The following WWOX variants were observed in gnomAD, a reference collection of about 807,000 sequenced individuals.
The protein encoded by WWOX is WW domain-containing oxidoreductase.
A neutral mutation model predicts 46.2 loss-of-function variants in WWOX; 69 were observed. That is an observed-to-expected ratio of 1.49 (90% CI 1.23 to 1.82). The LOEUF (loss-of-function observed/expected upper bound fraction) is 1.82, where lower values mean the gene tolerates loss of function less well. Among genes scored for constraint, WWOX ranks in the 40% most tolerant of loss-of-function variants. WWOX has a pLI of 0.00. For synonymous variants in WWOX, 359 were observed against 202.6 expected (o/e 1.77, Z -6.56); for missense variants, 919 against 542.6 (o/e 1.69, Z -6.89).
chr16:78,905,453 C>T (rs1017859206), intron 8 of WWOX, among the ~76,000 whole-genome samples: 2 of 152,212 alleles, frequency 1.3e-5, no homozygotes, highest in Non-Finnish European at 2.9e-5. Flanking sequence ...CCAATCATGG[C>T]TTACTGCAGA....
At chr16:79,211,034 A>AGGGTGTGTGTGT (rs1555547724) in intron 8 of WWOX, among the ~76,000 whole-genome samples, 1 of 149,602 alleles carries the variant, frequency 6.7e-6, no homozygotes. Flanking sequence ...TATGGTGAGG[A>AGGGTGTGTGTGT]GTGTGTGTGT....
At chr16:78,713,630 G>A (rs954384904) in intron 8 of WWOX, among the ~76,000 whole-genome samples, 1 of 152,158 alleles carries the variant, frequency 6.6e-6, no homozygotes, top group Non-Finnish European at 1.5e-5. Flanking sequence ...CATATGCATG[G>A]AGGAAAGACC....
At chr16:79,000,943 G>T (rs2047080380) in intron 8 of WWOX, among the ~76,000 whole-genome samples, 2 of 152,176 alleles carry the variant, frequency 1.3e-5, no homozygotes, top group South Asian at 4.1e-4. Context: ...ACGTGGGCAG[G>T]AATAGTGTGT....
intron 8 of WWOX, among the ~76,000 whole-genome samples, chr16:79,127,933 G>T (rs2049793500): frequency 1.3e-5 from 2 of 152,196 alleles, no homozygotes; most frequent in African/African-American, 4.8e-5. Context: ...AGTACAACTT[G>T]CAGTAGTCCA....
At chr16:78,272,902 T>C (rs1020084833) in intron 5 of WWOX, among the ~76,000 whole-genome samples, 1 of 152,200 alleles carries the variant, frequency 6.6e-6, no homozygotes, top group African/African-American at 2.4e-5. Flanking sequence ...GACAACATCC[T>C]TAACAGCAGC....
At chr16:79,197,928 G>A (rs1238377490) in intron 8 of WWOX, among the ~76,000 whole-genome samples, 1 of 152,162 alleles carries the variant, frequency 6.6e-6, no homozygotes, top group African/African-American at 2.4e-5. Flanking sequence ...GAAAGCATAG[G>A]AGTTAAGGAG....
Position 79,180,161 on chromosome 16 carries a change from C to G in WWOX, c.1057-31447C>G, listed in dbSNP as rs568733601. 8.5e-4 allele frequency among the ~76,000 whole-genome samples: 129 copies of G among 152,178 alleles called. 4 individuals carry two copies. The South Asian group carries it at 0.025, about 29-fold the overall frequency. On this transcript the variant is annotated intron_variant, in intron 8 of 8. Transcript: ENST00000566780. ...TCCAGAGTCTTGGTCACGGGTACAT[C>G]AAAACGACGCTGGTGCCTAACTTCT...
intron 8 of WWOX, among the ~76,000 whole-genome samples, chr16:79,042,030 T>C (rs967226703): frequency 1.3e-5 from 2 of 152,286 alleles, no homozygotes; most frequent in African/African-American, 4.8e-5. Context: ...TCCTACTCTT[T>C]ATGTTCCACA....
intron 8 of WWOX, among the ~76,000 whole-genome samples, chr16:78,850,520 A>G (rs2052415794): frequency 6.6e-6 from 1 of 152,226 alleles, no homozygotes; most frequent in African/African-American, 2.4e-5. Context: ...TTTACTGCTA[A>G]GAATAATGTT....
At chr16:78,306,761 T>G (rs1266799600) in intron 5 of WWOX, among the ~76,000 whole-genome samples, 1 of 151,518 alleles carries the variant, frequency 6.6e-6, no homozygotes, top group Non-Finnish European at 1.5e-5. Flanking sequence ...GTCCCATAAT[T>G]CCCTGTAAAT....
At chr16:78,416,549 T>G (rs2082801255) in intron 6 of WWOX, among the ~76,000 whole-genome samples, 1 of 152,224 alleles carries the variant, frequency 6.6e-6, no homozygotes, top group Admixed American at 6.5e-5. Context: ...CCTCTGTGGG[T>G]TCTTGCCTCC....
chr16:79,031,598 C>G (rs917522211), intron 8 of WWOX, among the ~76,000 whole-genome samples: 5 of 151,606 alleles, frequency 3.3e-5, no homozygotes, highest in Admixed American at 1.3e-4. Flanking sequence ...GAATTTTTAC[C>G]TTTGTTTTGT....
chr16:78,620,282 G>C (rs2046144580), intron 8 of WWOX, among the ~76,000 whole-genome samples: 1 of 152,180 alleles, frequency 6.6e-6, no homozygotes, highest in Non-Finnish European at 1.5e-5. Context: ...GAAGAGGATT[G>C]GCCCATGGCT....
rs969839990 is a variant in WWOX, at chr16:78,191,687, A to T, written c.516+27398A>T. On this transcript the variant is annotated intron_variant, in intron 5 of 8. Coordinates refer to ENST00000566780, the MANE Select transcript of WWOX (RefSeq NM_016373.4). ...CACATGGGGAAGGTTTTGGGTGAGGATTTAGAACAAGGCAGGTTCTTGATC... is the reference window on the plus strand; with the variant it reads ...CACATGGGGAAGGTTTTGGGTGAGGTTTTAGAACAAGGCAGGTTCTTGATC... Among the ~76,000 whole-genome samples the T allele has an allele frequency of 5.3e-5, 8 of 152,206 alleles. No homozygotes were observed. The East Asian group carries it at 7.7e-4, about 15-fold the overall frequency.
intron 5 of WWOX, among the ~76,000 whole-genome samples, chr16:78,385,579 C>T (rs2151933020): frequency 6.6e-6 from 1 of 152,228 alleles, no homozygotes; most frequent in Admixed American, 6.5e-5. Flanking sequence ...TGGATTAGAG[C>T]CCAGGACTTG....
At chr16:78,103,711 T>C (rs1394911832) in intron 1 of WWOX, among the ~76,000 whole-genome samples, 3 of 152,154 alleles carry the variant, frequency 2.0e-5, no homozygotes, top group African/African-American at 7.2e-5. Flanking sequence ...TGGGAAACTT[T>C]GTGGTTGTTC....
intron 8 of WWOX, among the ~76,000 whole-genome samples, chr16:78,529,244 T>G (rs1256436396): frequency 6.6e-6 from 1 of 152,118 alleles, no homozygotes; most frequent in Non-Finnish European, 1.5e-5. Context: ...TATGAGCTAC[T>G]GTACCCGACC....
At chr16:78,823,012 T>C (rs1000713544) in intron 8 of WWOX, among the ~76,000 whole-genome samples, 9 of 152,150 alleles carry the variant, frequency 5.9e-5, no homozygotes, top group Admixed American at 2.6e-4. Flanking sequence ...TAAAGAAATA[T>C]TGGATTCATA....
chr16:78,104,117 C>T (rs916757642), intron 1 of WWOX, among the ~76,000 whole-genome samples: 1 of 152,064 alleles, frequency 6.6e-6, no homozygotes, highest in Non-Finnish European at 1.5e-5. Flanking sequence ...CCCCGTGCCT[C>T]TTATGAAGCT....
Sources: gnomAD v4.1 joint callset for allele counts (sites outside exome capture counted in the v4.1 genomes callset) on GRCh38, gnomAD v4.1.1 for gene constraint, MANE v1.5 for transcripts, NCBI Gene and HGNC (gene_info 2026-07-23, HGNC 2026-07-21) for gene names.